PPEF2: variants seen among roughly 807,000 people sequenced by gnomAD.
PPEF2 encodes the protein protein phosphatase with EF-hand domain 2.
PPEF2 carries 84 observed loss-of-function variants against 84.7 expected under a neutral mutation model. That is an observed-to-expected ratio of 0.99 (90% confidence interval 0.83 to 1.19). PPEF2 has a LOEUF of 1.19. Among genes scored for constraint, PPEF2 ranks in the 50% most tolerant of loss-of-function variants. PPEF2 has a pLI of 0.00. For missense variants in PPEF2, 924 were observed against 937.5 expected, an observed-to-expected ratio of 0.99 and a Z score of 0.19; for synonymous variants, 346 against 345.2, an observed-to-expected ratio of 1.00 and a Z score of -0.03.
At chr4:75,863,735 A>G (rs1183187004) in intron 16 of PPEF2, among the ~76,000 whole-genome samples, 1 of 152,016 alleles carries the variant, frequency 6.6e-6, no homozygotes, top group African/African-American at 2.4e-5. Flanking sequence ...CTGTGAATCT[A>G]TAATTATTTC....
intron 16 of PPEF2, among the ~76,000 whole-genome samples, chr4:75,861,634 G>A (rs1382318311): frequency 1.7e-5 from 1 of 60,286 alleles, no homozygotes; most frequent in African/African-American, 4.0e-5. Context: ...TTTTGAGAGG[G>A]AGTCTCGCTC....
chr4:75,865,898 A>C (rs1280021210), intron 15 of PPEF2, among the ~76,000 whole-genome samples: 1 of 152,200 alleles, frequency 6.6e-6, no homozygotes, highest in Non-Finnish European at 1.5e-5. Context: ...GTCCCAACTT[A>C]GTCGTTCTAT....
chr4:75,870,689 C>T (rs1289876188), intron 13 of PPEF2, among the ~76,000 whole-genome samples: 1 of 152,146 alleles, frequency 6.6e-6, no homozygotes, highest in Non-Finnish European at 1.5e-5. Context: ...TACCTTCACT[C>T]AAGGACTAGC....
chr4:75,868,973 A>G (rs1287632425), intron 13 of PPEF2, among the ~76,000 whole-genome samples: 1 of 152,152 alleles, frequency 6.6e-6, no homozygotes, highest in African/African-American at 2.4e-5. Context: ...TGATCATGCT[A>G]CTATACCCTG....
chr4:75,878,072 A>G (rs552363030), intron 10 of PPEF2, among the ~76,000 whole-genome samples: 10 of 152,366 alleles, frequency 6.6e-5, no homozygotes, highest in African/African-American at 2.4e-4. Context: ...CAGAGGAGGC[A>G]GCACTTAATG....
intron 10 of PPEF2, among the ~76,000 whole-genome samples, chr4:75,880,317 C>T (rs555702169): frequency 6.6e-6 from 1 of 152,252 alleles, no homozygotes; most frequent in Admixed American, 6.5e-5. Context: ...GATAAGAAAA[C>T]TGAGGCACAA....
intron 13 of PPEF2, among the ~76,000 whole-genome samples, chr4:75,869,670 G>A (rs2149215847): frequency 6.6e-6 from 1 of 152,226 alleles, no homozygotes; most frequent in East Asian, 1.9e-4. Context: ...AGAATAGTGA[G>A]ACTTCGTCTC....
intron 2 of PPEF2, among the ~76,000 whole-genome samples, chr4:75,893,083 A>G (rs553619462): frequency 3.9e-5 from 6 of 152,388 alleles, no homozygotes; most frequent in Non-Finnish European, 8.8e-5. Flanking sequence ...GAACTTAAAC[A>G]AAGATAAATT....
intron 7 of PPEF2, among the ~76,000 whole-genome samples, chr4:75,885,985 G>C (rs1488706836): frequency 6.7e-6 from 1 of 148,316 alleles, no homozygotes; most frequent in African/African-American, 2.5e-5. Context: ...TTCCAGCCTC[G>C]GCGAGAAGAG....
At chr4:75,896,900 G>C (rs1725023097) in intron 1 of PPEF2, among the ~76,000 whole-genome samples, 1 of 150,666 alleles carries the variant, frequency 6.6e-6, no homozygotes, top group Non-Finnish European at 1.5e-5. Context: ...TTTCTTTTTT[G>C]AGACAGAGTC....
chr4:75,898,244 T>C (rs1390026273), intron 1 of PPEF2, among the ~76,000 whole-genome samples: 1 of 152,282 alleles, frequency 6.6e-6, no homozygotes, highest in Non-Finnish European at 1.5e-5. Flanking sequence ...ATGGCCATGA[T>C]GAACATGTCA....
chr4:75,887,357 C>T (rs1404363218), intron 6 of PPEF2, among the ~76,000 whole-genome samples: 1 of 152,142 alleles, frequency 6.6e-6, no homozygotes, highest in African/African-American at 2.4e-5. Flanking sequence ...GCGGGTGGCT[C>T]ACGCCTGTAA....
chr4:75,864,047 G>A (rs1222909348), intron 16 of PPEF2, among the ~76,000 whole-genome samples: 1 of 151,598 alleles, frequency 6.6e-6, no homozygotes, highest in Non-Finnish European at 1.5e-5. Context: ...TAATTTTTGT[G>A]TTTTTAGTAG....
rs1468794166 is a variant in PPEF2 at position 75,888,294 on chromosome 4, T to C, written c.452A>G (p.Tyr151Cys). Reference protein sequence around the residue: ...LHARYVLNLLYETKKHLVQLP... With the variant: ...LHARYVLNLLCETKKHLVQLP... ...CTGTACCAGATGTTTCTTGGTTTCA[T>C]ACAAAAGGTTCAAGACGTAGCGAGC... The change falls in exon 6 of 17, where the codon TAT becomes TGT. Residue 151 changes from tyrosine (Y) to cysteine (C), a missense_variant. By Grantham distance (194) the Tyr-to-Cys change is radical (BLOSUM62 -2). Coordinates refer to ENST00000286719, the MANE Select transcript of PPEF2 (RefSeq NM_006239.3). 1 of 1,613,998 alleles carries C rather than the reference T, an allele frequency of 6.2e-7. No homozygotes were observed. The highest frequency in any genetic ancestry group is 8.5e-7 in the Non-Finnish European group (1 of 1,179,934).
In PPEF2 at chr4:75,883,014, G is replaced by A; in HGVS notation, c.845C>T (p.Thr282Ile). 1 of 1,614,200 alleles carries A rather than the reference G, an allele frequency of 6.2e-7. No homozygotes were observed. The highest frequency in any genetic ancestry group is 1.1e-5 in the South Asian group (1 of 91,080). The change falls in exon 10 of 17, where the codon ACT (threonine) becomes ATT (isoleucine). Residue 282 changes from threonine to isoleucine, a missense_variant. Thr to Ile is a moderately conservative substitution (Grantham distance 89). Transcript: ENST00000286719. ...QDVFCWLPLA[T>I]LIDEKVLILH... ...AATTAGAACTTTCTCATCTATCAGAGTGGCCAGTGGAAGCCAACAGAAAAC... is the reference window on the plus strand; with the variant it reads ...AATTAGAACTTTCTCATCTATCAGAATGGCCAGTGGAAGCCAACAGAAAAC...
At position 75,873,280 on chromosome 4, in the gene PPEF2, A is replaced by G. The variant is rs760769326; in HGVS notation, c.1353T>C (p.Ala451=). 3.1e-6 allele frequency: 5 copies of G among 1,614,004 alleles called. No individual in the cohort carries two copies. The highest frequency in any genetic ancestry group is 1.1e-5 in the South Asian group (1 of 91,068). Residue 451 remains alanine (A), a synonymous_variant, in exon 12 of 17, where the codon GCT becomes GCC. Transcript: ENST00000286719. ...TAGTGTTGGCCTTGCAGCCCTCTTGAGCCATGGGATCACTCCACAGGATAT... is the reference window on the plus strand; with the variant it reads ...TAGTGTTGGCCTTGCAGCCCTCTTGGGCCATGGGATCACTCCACAGGATAT... ...VVDILWSDPM[A]QEGCKANTIR...
intron 1 of PPEF2, among the ~76,000 whole-genome samples, chr4:75,898,568 G>A (rs1725057693): frequency 6.6e-6 from 1 of 152,196 alleles, no homozygotes; most frequent in Admixed American, 6.5e-5. Context: ...CCATATTACA[G>A]TCTTTAATCT....
intron 10 of PPEF2, among the ~76,000 whole-genome samples, chr4:75,880,856 G>A (rs1310375292): frequency 1.3e-5 from 2 of 149,014 alleles, no homozygotes; most frequent in Non-Finnish European, 3.0e-5. Context: ...CTGGAGTGCA[G>A]TGGCACAATC....
intron 4 of PPEF2, 87 bp downstream of exon 4, chr4:75,891,561 G>A (rs1307232008): frequency 2.9e-5 from 41 of 1,411,204 alleles, no homozygotes; most frequent in South Asian, 2.4e-4. Context: ...CCAGATTCAC[G>A]GTTTCACTCC....
Sources: allele counts gnomAD v4.1 joint callset (sites outside exome capture counted in the v4.1 genomes callset), GRCh38; gene constraint gnomAD v4.1.1; transcripts MANE v1.5; gene names NCBI Gene and HGNC (gene_info 2026-07-23, HGNC 2026-07-21).